Variants in PCDH9 observed in about 807,000 individuals in gnomAD.
The protein encoded by PCDH9 is protocadherin 9, also known as protocadherin-9.
In PCDH9, 24 loss-of-function variants were observed where a neutral mutation model predicts 70.6. The ratio of observed to expected loss-of-function variants is 0.34; its 90% confidence interval spans 0.25 to 0.48. The LOEUF is 0.48. PCDH9 is among the 20% of genes least tolerant of loss of function. PCDH9 has a pLI of 0.99. For synonymous variants in PCDH9, 562 were observed against 558.5 expected, an observed-to-expected ratio of 1.01 and a Z score of -0.09; for missense variants, 1,281 against 1,503.6, an observed-to-expected ratio of 0.85 and a Z score of 2.45.
At chr13:66,624,541 A>C (rs1315518302) in intron 4 of PCDH9, among the ~76,000 whole-genome samples, 2 of 152,222 alleles carry the variant, frequency 1.3e-5, no homozygotes, top group African/African-American at 4.8e-5. Flanking sequence ...CCTGCCTTCA[A>C]CTTCTCTTGG....
At chr13:66,484,181 ACAGAAAGC>A (rs1448478178) in intron 4 of PCDH9, among the ~76,000 whole-genome samples, 3 of 152,280 alleles carry the variant, frequency 2.0e-5, no homozygotes, top group African/African-American at 7.2e-5. Context: ...ACCCCGGGAT[ACAGAAAGC>A]CCTCTGTCCT....
intron 3 of PCDH9, among the ~76,000 whole-genome samples, chr13:66,880,750 T>A (rs1351808925): frequency 6.6e-6 from 1 of 152,210 alleles, no homozygotes; most frequent in Non-Finnish European, 1.5e-5. Context: ...ATGATATAAA[T>A]AAGGCATAGA....
At chr13:66,521,379 T>C (rs1186296644) in intron 4 of PCDH9, among the ~76,000 whole-genome samples, 2 of 152,130 alleles carry the variant, frequency 1.3e-5, no homozygotes, top group East Asian at 3.9e-4. Context: ...TTCTGCCACA[T>C]GATGCAGAAT....
chr13:66,664,587 A>T (rs2078066746), intron 3 of PCDH9, among the ~76,000 whole-genome samples: 2 of 152,320 alleles, frequency 1.3e-5, no homozygotes, highest in African/African-American at 2.4e-5. Context: ...CTAGAAACTT[A>T]TATGAATTCA....
At chr13:66,974,614 C>T (rs531740872) in intron 2 of PCDH9, among the ~76,000 whole-genome samples, 1 of 151,982 alleles carries the variant, frequency 6.6e-6, no homozygotes, top group Non-Finnish European at 1.5e-5. Context: ...AGAACTGTTT[C>T]TTGCGGTAAT....
intron 3 of PCDH9, among the ~76,000 whole-genome samples, chr13:66,737,340 T>C (rs1394039641): frequency 6.6e-6 from 1 of 152,230 alleles, no homozygotes; most frequent in Non-Finnish European, 1.5e-5. Flanking sequence ...AATAGACCAC[T>C]GGTTCTTGAA....
chr13:66,875,959 C>A (rs2081799461), intron 3 of PCDH9, among the ~76,000 whole-genome samples: 1 of 152,102 alleles, frequency 6.6e-6, no homozygotes. Context: ...ATTCCAAATG[C>A]CTATGTTTTA....
chr13:66,700,923 A>ATATATATATATAT (rs1566514288), intron 3 of PCDH9, among the ~76,000 whole-genome samples: 1 of 58,450 alleles, frequency 1.7e-5, no homozygotes, highest in Non-Finnish European at 3.2e-5. Context: ...TGTACATATA[A>ATATATATATATAT]ATATATATAT....
At chr13:66,984,780 T>C (rs2083855062) in intron 2 of PCDH9, among the ~76,000 whole-genome samples, 1 of 152,150 alleles carries the variant, frequency 6.6e-6, no homozygotes, top group South Asian at 2.1e-4. Context: ...TTTAGCAAAA[T>C]AATTTACAAA....
At chr13:66,725,631 T>C (rs867116062) in intron 3 of PCDH9, among the ~76,000 whole-genome samples, 1 of 152,160 alleles carries the variant, frequency 6.6e-6, no homozygotes, top group South Asian at 2.1e-4. Context: ...CAAAAGAGAG[T>C]ATAATCATAA....
intron 4 of PCDH9, among the ~76,000 whole-genome samples, chr13:66,309,211 A>G (rs1434571025): frequency 6.6e-6 from 1 of 152,104 alleles, no homozygotes; most frequent in African/African-American, 2.4e-5. Context: ...ACAAAACAAA[A>G]AACAAAAGCC....
At chr13:66,540,217 A>G (rs1960891828) in intron 4 of PCDH9, among the ~76,000 whole-genome samples, 1 of 152,090 alleles carries the variant, frequency 6.6e-6, no homozygotes, top group East Asian at 1.9e-4. Context: ...AATCTTCTAA[A>G]TAAAACTGAG....
intron 4 of PCDH9, among the ~76,000 whole-genome samples, chr13:66,324,013 T>A (rs567433278): frequency 6.6e-6 from 1 of 152,164 alleles, no homozygotes; most frequent in East Asian, 1.9e-4. Flanking sequence ...TGCCTATATA[T>A]GCTGTGACTT....
chr13:67,007,644 G>A (rs1285151384), intron 2 of PCDH9, among the ~76,000 whole-genome samples: 2 of 152,116 alleles, frequency 1.3e-5, no homozygotes, highest in South Asian at 2.1e-4. Context: ...TATTCAGGCC[G>A]TGTATATATT....
At chr13:66,537,228 T>C (rs1960744339) in intron 4 of PCDH9, among the ~76,000 whole-genome samples, 1 of 152,054 alleles carries the variant, frequency 6.6e-6, no homozygotes, top group African/African-American at 2.4e-5. Context: ...TCTTCAGGGC[T>C]CATTAGTCAG....
intron 3 of PCDH9, among the ~76,000 whole-genome samples, chr13:66,702,573 C>G (rs1196602804): frequency 6.6e-6 from 1 of 152,150 alleles, no homozygotes; most frequent in Non-Finnish European, 1.5e-5. Context: ...ATGTTCTCAT[C>G]ACACACCAAA....
In PCDH9 at chr13:66,512,303, T is replaced by C. The variant is rs533690956; in HGVS notation, c.3340+118907A>G. Among the ~76,000 whole-genome samples the C allele has an allele frequency of 1.5e-3, 222 of 146,426 alleles. 2 individuals carry two copies. In the East Asian group the frequency reaches 0.024, roughly 16 times the overall value. On this transcript the variant is annotated intron_variant, in intron 4 of 4. Coordinates refer to ENST00000377865, the MANE Select transcript of PCDH9 (RefSeq NM_203487.3). ...GGAATTATATATATATATATATATA[T>C]ACACAATAAGAATTCATGAGAAGCG...
At chr13:66,824,849 C>A (rs1326038213) in intron 3 of PCDH9, among the ~76,000 whole-genome samples, 1 of 151,116 alleles carries the variant, frequency 6.6e-6, no homozygotes, top group Non-Finnish European at 1.5e-5. Flanking sequence ...CCAGAAATGT[C>A]CCTAGTGAAA....
intron 2 of PCDH9, among the ~76,000 whole-genome samples, chr13:66,958,166 C>T (rs1245609310): frequency 2.0e-5 from 3 of 152,064 alleles, no homozygotes; most frequent in South Asian, 4.1e-4. Context: ...GTGAATTTGA[C>T]GGAGCGTACA....
Sources: gnomAD v4.1 joint callset for allele counts (sites outside exome capture counted in the v4.1 genomes callset) on GRCh38, gnomAD v4.1.1 for gene constraint, MANE v1.5 for transcripts, NCBI Gene and HGNC (gene_info 2026-07-23, HGNC 2026-07-21) for gene names.